The following RPS7 variants were observed in gnomAD, a reference collection of about 807,000 sequenced individuals.
RPS7 encodes the protein ribosomal protein S7.
A neutral mutation model predicts 22.1 loss-of-function variants in RPS7; 1 was observed. The ratio of observed to expected loss-of-function variants is 0.05; its 90% CI spans 0.02 to 0.21. The LOEUF (loss-of-function observed/expected upper bound fraction) is 0.21, where lower values mean the gene tolerates loss of function less well. Ranked by LOEUF, RPS7 falls within the 10% of genes least tolerant of loss-of-function variation. The pLI, the probability that RPS7 is intolerant of heterozygous loss-of-function variation, is 1.00. For synonymous variants in RPS7, 80 were observed against 92.0 expected, an observed-to-expected ratio of 0.87 and a Z score of 0.74; for missense variants, 137 against 246.4, an observed-to-expected ratio of 0.56 and a Z score of 2.97.
In RPS7 at chr2:3,575,640, C is replaced by T. The variant is rs1661256950; in HGVS notation, c.31C>T (p.Pro11Ser). The T allele has an allele frequency of 6.2e-7, 1 of 1,611,460 alleles. No individual in the cohort carries two copies. Among genetic ancestry groups the T allele is most frequent in the Non-Finnish European group, 8.5e-7 (1 of 1,179,506 alleles). Residue 11 changes from proline (P) to serine (S), a missense_variant, in exon 2 of 7, where the codon CCC becomes TCC. Around this residue, in one of 2 missense-constraint regions of RPS7, gnomAD observed 63 missense variants for 75.0 expected, o/e 0.84. Coordinates refer to ENST00000645674, the MANE Select transcript of RPS7 (RefSeq NM_001011.4). MFSSSAKIVK[P>S]NGEKPDEFES... ...CAGTTCGAGCGCCAAGATCGTGAAG[C>T]CCAATGGCGAGAAGCCGGACGAGTT...
chr2:3,577,839 A>G lies in RPS7; in HGVS notation c.356+65A>G, dbSNP rs73137100. The G allele has an allele frequency of 9.6e-3, 10,903 of 1,133,458 alleles. 706 individuals carry two copies. The African/African-American group carries it at 0.15, about 15-fold the overall frequency. 70.2% of individuals were successfully genotyped at this position (1,133,458 alleles called of 1,614,324 possible). On this transcript the variant is annotated intron_variant, in intron 5 of 6. Coordinates refer to ENST00000645674, the MANE Select transcript of RPS7 (RefSeq NM_001011.4). ...TTATTAACAACTCTTAATTTGTTTA[A>G]GTTGTAGTTTATGAAAACAGATGTT...
intron 5 of RPS7, chr2:3,578,549 GA>G (rs1453340476): frequency 2.0e-5 from 3 of 152,064 alleles, no homozygotes; most frequent in Admixed American, 6.6e-5. Context: ...GTCTTGTTCT[GA>G]AAACCACTAG....
In RPS7 at chr2:3,575,349, A is replaced by T; in HGVS notation, c.-20A>T. ...TCTCTTCCTAAGCCGGCGCTCGGCA[A>T]GGTAGGTTGGCGGCCTGCTCTCCGA... On this transcript the variant is annotated splice_region_variant and 5_prime_UTR_variant, in exon 1 of 7. It adds an upstream start codon to the 5' untranslated region. Coordinates refer to ENST00000645674, the MANE Select transcript of RPS7 (RefSeq NM_001011.4). The T allele has an allele frequency of 1.9e-6, 1 of 531,972 alleles. No homozygotes were observed. The allele number at this position is 531,972 out of a possible 1,614,324, so 33.0% of individuals were successfully genotyped here. A position where few individuals can be genotyped will look rare whatever the true frequency, so the allele number is the denominator to read the frequency against.
At position 3,580,111 on chromosome 2, in the gene RPS7, C is replaced by T. The variant is rs1383573558; in HGVS notation, c.358C>T (p.Arg120Cys). ...TTACCTTTTAAACTATTCTTTTAGCCGTACTCTGACAGCTGTGCACGATGC... is the reference window on the plus strand; with the variant it reads ...TTACCTTTTAAACTATTCTTTTAGCTGTACTCTGACAGCTGTGCACGATGC... ...TKNKQKRPRS[R>C]TLTAVHDAIL... Residue 120 changes from arginine to cysteine, a missense_variant and splice_region_variant, in exon 6 of 7, where the codon CGT becomes TGT. Physicochemically the swap from Arg to Cys is radical, Grantham distance 180. Transcript: ENST00000645674. 6.2e-7 allele frequency: 1 copy of T among 1,613,676 alleles called. No homozygotes were observed. The highest frequency in any genetic ancestry group is 8.5e-7 in the Non-Finnish European group (1 of 1,179,776).
chr2:3,580,739 A>C lies in RPS7; in HGVS notation c.508-66A>C, dbSNP rs113112388. ...AACAATACAGGGCACAATTTCACGAAACTATTAGGTTTTAAGCTGAGTGTG... is the reference window on the plus strand; with the variant it reads ...AACAATACAGGGCACAATTTCACGACACTATTAGGTTTTAAGCTGAGTGTG... On this transcript the variant is annotated intron_variant, in intron 6 of 6. Coordinates refer to ENST00000645674, the MANE Select transcript of RPS7 (RefSeq NM_001011.4). 1.0e-4 allele frequency: 102 copies of C among 1,005,886 alleles called. No individual in the cohort carries two copies. In the African/African-American group the frequency reaches 1.4e-3, roughly 14 times the overall value. 62.3% of individuals were successfully genotyped at this position (1,005,886 alleles called of 1,614,324 possible).
intron 4 of RPS7, 141 bp from the exon 5 acceptor site, chr2:3,577,569 G>A (rs1661309341): frequency 1.5e-6 from 1 of 673,396 alleles, no homozygotes; most frequent in Non-Finnish European, 2.7e-6. Flanking sequence ...TCAGTCAATT[G>A]TTCGTCTAAG....
intron 4 of RPS7, 188 bp downstream of exon 4, chr2:3,576,818 G>T: frequency 1.3e-6 from 1 of 752,332 alleles, no homozygotes. Flanking sequence ...GTGGAGGCGG[G>T]TGGATCACTG....
chr2:3,575,468 C>T (rs1018314859), intron 1 of RPS7, 118 bp downstream of exon 1: 4 of 690,660 alleles, frequency 5.8e-6, no homozygotes, highest in African/African-American at 5.4e-5. Flanking sequence ...CAGCCGATTA[C>T]CCGCCCTGTG....
Position 3,575,519 on chromosome 2 carries a change from G to T in RPS7, c.-18-73G>T, listed in dbSNP as rs1661254189. On this transcript the variant is annotated intron_variant, in intron 1 of 6. Coordinates refer to ENST00000645674, the MANE Select transcript of RPS7 (RefSeq NM_001011.4). Reference sequence around the variant, plus strand: ...TGCGGGGCGAGCGGGGCCTGGCCGGGGGGTGCGGGCGGGAGGGCGAGCCAG... The same window carrying T: ...TGCGGGGCGAGCGGGGCCTGGCCGGTGGGTGCGGGCGGGAGGGCGAGCCAG... The T allele has an allele frequency of 2.0e-5, 21 of 1,030,598 alleles. No homozygotes were observed. The South Asian group carries it at 2.6e-4, about 13-fold the overall frequency. The allele number at this position is 1,030,598 out of a possible 1,614,324, so 63.8% of individuals were successfully genotyped here. A position where few individuals can be genotyped will look rare whatever the true frequency, so the allele number is the denominator to read the frequency against.
At chr2:3,576,775 C>T (rs555506273) in intron 4 of RPS7, 145 bp downstream of exon 4, 9 of 1,069,338 alleles carry the variant, frequency 8.4e-6, no homozygotes, top group Non-Finnish European at 1.3e-5. Context: ...GGCAGAGCGC[C>T]GTGGCTTAGG....
intron 5 of RPS7, chr2:3,579,825 C>T (rs1661359839): frequency 1.9e-6 from 1 of 532,754 alleles, no homozygotes; most frequent in Non-Finnish European, 3.4e-6. Context: ...CTCACATTCC[C>T]TAGAGATGGT....
At chr2:3,580,439 C>A in intron 6 of RPS7, 179 bp downstream of exon 6, 1 of 708,538 alleles carries the variant, frequency 1.4e-6, no homozygotes, top group South Asian at 1.5e-5. Context: ...GGAGATGTTT[C>A]AAGAATTGAA....
At chr2:3,578,364 G>A (rs1198346752) in intron 5 of RPS7, 1 of 152,540 alleles carries the variant, frequency 6.6e-6, no homozygotes, top group Non-Finnish European at 1.5e-5. Context: ...AATCCCTGTG[G>A]ACTCTTCCCT....
chr2:3,577,705 TAC>T lies in RPS7; in HGVS notation c.292-3_292-2del. 6.2e-7 allele frequency: 1 copy of T among 1,607,202 alleles called. No homozygotes were observed. On this transcript the variant is annotated splice_region_variant and splice_polypyrimidine_tract_variant and intron_variant, in intron 4 of 6. Coordinates refer to ENST00000645674, the MANE Select transcript of RPS7 (RefSeq NM_001011.4). ...TTTTGTTACATGATAATTTTTACCT[TAC>T]AGAGGAGAATTCTGCCTAAGCCAAC...
intron 1 of RPS7, 62 bp from the exon 2 acceptor site, chr2:3,575,530 G>T: frequency 8.4e-7 from 1 of 1,195,312 alleles, no homozygotes; most frequent in South Asian, 1.2e-5. Flanking sequence ...GGGTGCGGGC[G>T]GGAGGGCGAG....
At chr2:3,579,918 A>C in intron 5 of RPS7, 192 bp from the exon 6 acceptor site, 1 of 634,492 alleles carries the variant, frequency 1.6e-6, no homozygotes, top group South Asian at 1.9e-5. Context: ...TCAGTAAGCT[A>C]TTACCCTATT....
chr2:3,576,341 A>AG, intron 3 of RPS7, 146 bp from the exon 4 acceptor site: 1 of 778,458 alleles, frequency 1.3e-6, no homozygotes. Flanking sequence ...ACATTTCCGA[A>AG]GGATGCATTT....
At chr2:3,577,433 T>G (rs1238957570) in intron 4 of RPS7, 1 of 458,840 alleles carries the variant, frequency 2.2e-6, no homozygotes, top group African/African-American at 2.0e-5. Context: ...ATAAAAGTAG[T>G]ATTCTGGGTC....
At chr2:3,576,756 T>TA (rs1661288558) in intron 4 of RPS7, 126 bp downstream of exon 4, 1 of 1,211,224 alleles carries the variant, frequency 8.3e-7, no homozygotes, top group Non-Finnish European at 1.2e-6. Flanking sequence ...GGTAGAAAGA[T>TA]AAAGTACAGG....
Sources: allele counts gnomAD v4.1 joint callset, GRCh38; gene constraint gnomAD v4.1.1; regional missense constraint gnomAD v4.1.1; transcripts MANE v1.5; gene names NCBI Gene and HGNC (gene_info 2026-07-23, HGNC 2026-07-21).